The following GPC5 variants were observed in gnomAD, a reference collection of about 807,000 sequenced individuals.
The protein encoded by GPC5 is glypican 5, also known as glypican-5.
GPC5 carries 47 observed loss-of-function variants against 53.9 expected under a neutral mutation model. The observed-to-expected ratio is 0.87, with a 90% confidence interval of 0.69 to 1.11. The LOEUF is 1.11. Among genes scored for constraint, GPC5 ranks in the 50% most tolerant of loss-of-function variants. The pLI is 0.00. For missense variants in GPC5, 748 were observed against 713.1 expected (o/e 1.05, Z -0.56); for synonymous variants, 286 against 263.3 (o/e 1.09, Z -0.84).
chr13:92,006,855 C>T (rs941370571), intron 6 of GPC5, among the ~76,000 whole-genome samples: 3 of 152,110 alleles, frequency 2.0e-5, no homozygotes, highest in African/African-American at 7.2e-5. Flanking sequence ...ATCGAGTTGG[C>T]TGATTTTCAT....
chr13:92,131,870 T>C (rs918028960), intron 6 of GPC5, among the ~76,000 whole-genome samples: 1 of 151,982 alleles, frequency 6.6e-6, no homozygotes, highest in Non-Finnish European at 1.5e-5. Context: ...GAAAAATAAG[T>C]AGATTAATAA....
intron 7 of GPC5, among the ~76,000 whole-genome samples, chr13:92,618,153 C>T (rs982865910): frequency 1.3e-5 from 2 of 152,012 alleles, no homozygotes; most frequent in African/African-American, 4.8e-5. Context: ...ACTAAGTAAC[C>T]TATAAAAAAT....
chr13:91,774,881 CCTCA>C (rs2037685280), intron 5 of GPC5, among the ~76,000 whole-genome samples: 1 of 152,154 alleles, frequency 6.6e-6, no homozygotes, highest in South Asian at 2.1e-4. Context: ...ATCTTGCCTC[CCTCA>C]CTCCTCTTTA....
chr13:91,452,778 C>T (rs1881271217), intron 2 of GPC5, among the ~76,000 whole-genome samples: 1 of 151,630 alleles, frequency 6.6e-6, no homozygotes, highest in African/African-American at 2.4e-5. Flanking sequence ...TAATTTGTAA[C>T]TATGCAAAAA....
chr13:91,925,728 A>C (rs1485630424), intron 6 of GPC5, among the ~76,000 whole-genome samples: 1 of 152,158 alleles, frequency 6.6e-6, no homozygotes, highest in Non-Finnish European at 1.5e-5. Flanking sequence ...CGCTTGCAAA[A>C]ACAAACGAAA....
chr13:92,085,079 G>A (rs967098593), intron 6 of GPC5, among the ~76,000 whole-genome samples: 3 of 152,308 alleles, frequency 2.0e-5, no homozygotes, highest in African/African-American at 7.2e-5. Context: ...TCCCATTCAT[G>A]AGAGCTCTGC....
chr13:91,764,656 G>T (rs2037486104), intron 5 of GPC5, among the ~76,000 whole-genome samples: 1 of 152,158 alleles, frequency 6.6e-6, no homozygotes, highest in African/African-American at 2.4e-5. Context: ...CGTCCAGTTA[G>T]GTTCTGCTTC....
chr13:92,665,820 T>C (rs1414851621), intron 7 of GPC5, among the ~76,000 whole-genome samples: 4 of 152,192 alleles, frequency 2.6e-5, no homozygotes, highest in Admixed American at 6.5e-5. Flanking sequence ...GTGGTTTTTG[T>C]ATTCTGACCC....
intron 5 of GPC5, among the ~76,000 whole-genome samples, chr13:91,815,900 T>A (rs2038391920): frequency 6.6e-6 from 1 of 152,118 alleles, no homozygotes; most frequent in Non-Finnish European, 1.5e-5. Context: ...CTCATGCCAC[T>A]CCTCCCTCCC....
At chr13:91,818,850 G>A (rs2038442119) in intron 5 of GPC5, among the ~76,000 whole-genome samples, 1 of 152,178 alleles carries the variant, frequency 6.6e-6, no homozygotes, top group Non-Finnish European at 1.5e-5. Context: ...TTACTTGAAT[G>A]AGTTGAGTCC....
At chr13:92,118,259 T>C (rs915576390) in intron 6 of GPC5, among the ~76,000 whole-genome samples, 4 of 152,212 alleles carry the variant, frequency 2.6e-5, no homozygotes, top group Non-Finnish European at 5.9e-5. Context: ...GTTATATCTG[T>C]TGAGCTTTGA....
At position 92,772,661 on chromosome 13, in the gene GPC5, T is replaced by C. The variant is rs75221858; in HGVS notation, c.1562-93621T>C. On this transcript the variant is annotated intron_variant, in intron 7 of 7. Transcript: ENST00000377067. Reference sequence around the variant, plus strand: ...AGTTTGCTTATTCGTTGATTCTGACTTTCTCCATGGAAAGGAAGCTCCATG... The same window carrying C: ...AGTTTGCTTATTCGTTGATTCTGACCTTCTCCATGGAAAGGAAGCTCCATG... Among the ~76,000 whole-genome samples, 952 of 152,314 alleles carry C rather than the reference T, an allele frequency of 6.3e-3. 12 individuals are homozygous for C. Among genetic ancestry groups the C allele is most frequent in the African/African-American group, 0.022 (905 of 41,568 alleles).
At chr13:92,294,687 A>C (rs1566524520) in intron 7 of GPC5, among the ~76,000 whole-genome samples, 1 of 151,520 alleles carries the variant, frequency 6.6e-6, no homozygotes, top group Non-Finnish European at 1.5e-5. Context: ...TGTTGCTTTC[A>C]ATTTCACTTA....
rs535292249 is a variant in GPC5 at position 91,937,358 on chromosome 13, G to A, written c.1401+29301G>A. Among the ~76,000 whole-genome samples, 6 of 152,138 alleles carry A rather than the reference G, an allele frequency of 3.9e-5. No individual in the cohort carries two copies. The South Asian group carries it at 1.2e-3, about 32-fold the overall frequency. On this transcript the variant is annotated intron_variant, in intron 6 of 7. Transcript: ENST00000377067. ...GTTAAAAGTATATTGGACAATATAG[G>A]TCTCTTTTTACGTGATGTTTCTGAT... is the stretch of plus-strand genomic sequence containing the variant.
At chr13:91,885,377 A>C (rs561368734) in intron 5 of GPC5, among the ~76,000 whole-genome samples, 16 of 152,300 alleles carry the variant, frequency 1.1e-4, no homozygotes, top group African/African-American at 3.4e-4. Context: ...CTTTATTTGT[A>C]AAATTCAGGA....
At chr13:92,277,634 C>G (rs1211703016) in intron 7 of GPC5, among the ~76,000 whole-genome samples, 1 of 151,870 alleles carries the variant, frequency 6.6e-6, no homozygotes, top group Non-Finnish European at 1.5e-5. Flanking sequence ...CATTTTTTTA[C>G]TTTGTTTTTT....
chr13:92,414,257 C>A (rs1876180938), intron 7 of GPC5, among the ~76,000 whole-genome samples: 1 of 152,028 alleles, frequency 6.6e-6, no homozygotes, highest in African/African-American at 2.4e-5. Flanking sequence ...GTAATCCCAG[C>A]ACATTGGGAG....
At chr13:91,792,971 T>C (rs2037990780) in intron 5 of GPC5, among the ~76,000 whole-genome samples, 1 of 152,134 alleles carries the variant, frequency 6.6e-6, no homozygotes, top group Non-Finnish European at 1.5e-5. Flanking sequence ...AAAGTCCATC[T>C]TTTCGAGGCC....
At chr13:92,513,369 T>C (rs1056229476) in intron 7 of GPC5, among the ~76,000 whole-genome samples, 1 of 152,184 alleles carries the variant, frequency 6.6e-6, no homozygotes, top group Non-Finnish European at 1.5e-5. Flanking sequence ...GAAAGTATTA[T>C]GAATTAATTC....
Sources: allele counts gnomAD v4.1 joint callset (sites outside exome capture counted in the v4.1 genomes callset), GRCh38; gene constraint gnomAD v4.1.1; transcripts MANE v1.5; gene names NCBI Gene and HGNC (gene_info 2026-07-23, HGNC 2026-07-21).